Variants in AGAP1 observed in about 807,000 individuals in gnomAD.
AGAP1 encodes the protein arf-GAP with GTPase, ANK repeat and PH domain-containing protein 1.
AGAP1 carries 29 observed loss-of-function variants against 105.3 expected under a neutral mutation model. The ratio of observed to expected loss-of-function variants is 0.28; its 90% CI spans 0.21 to 0.38. The LOEUF (loss-of-function observed/expected upper bound fraction) is 0.38, where lower values mean the gene tolerates loss of function less well. AGAP1 is among the 10% of genes least tolerant of loss of function. AGAP1 has a pLI of 1.00. For synonymous variants in AGAP1, 509 were observed against 485.9 expected, an observed-to-expected ratio of 1.05 and a Z score of -0.63; for missense variants, 998 against 1,165.1, an observed-to-expected ratio of 0.86 and a Z score of 2.09.
chr2:235,726,955 G>A (rs533063824), intron 3 of AGAP1, among the ~76,000 whole-genome samples: 1 of 152,288 alleles, frequency 6.6e-6, no homozygotes, highest in African/African-American at 2.4e-5. Flanking sequence ...TGTTGGGTGG[G>A]CATCATGCCC....
rs989276104 is a variant in AGAP1, at chr2:235,866,041, G to A, written c.1051-17304G>A. 6.8e-4 allele frequency among the ~76,000 whole-genome samples: 104 copies of A among 152,270 alleles called. No homozygotes were observed. Among genetic ancestry groups the A allele is most frequent in the Admixed American group, 2.9e-3 (45 of 15,296 alleles). On this transcript the variant is annotated intron_variant, in intron 9 of 17. Coordinates refer to ENST00000304032, the MANE Select transcript of AGAP1 (RefSeq NM_001037131.3). This position sits in a 1 kb window ranked among gnomAD's most constrained non-coding sequence, Gnocchi z 6.1. The stretch of plus-strand genomic sequence containing the variant: ...GTGTATCTGCGGTCTGGTCATTTTT[G>A]CCACACTTGATTTTTTTCTGCTAAA...
rs960400359 is a variant in AGAP1 at position 236,014,604 on chromosome 2, C to T, written c.1646-21957C>T. On this transcript the variant is annotated intron_variant, in intron 13 of 17. Coordinates refer to ENST00000304032, the MANE Select transcript of AGAP1 (RefSeq NM_001037131.3). The surrounding 1 kb of genome is among the most constrained non-coding windows in gnomAD (Gnocchi z 6.3). The stretch of plus-strand genomic sequence containing the variant: ...ATGACCCTGCTCCACCTCTGCCCTT[C>T]CTGAGTTCCTCTGTTCACCGCAGGG... 6.6e-6 allele frequency among the ~76,000 whole-genome samples: 1 copy of T among 152,206 alleles called. No individual in the cohort carries two copies. Among genetic ancestry groups the T allele is most frequent in the Admixed American group, 6.5e-5 (1 of 15,288 alleles).
intron 13 of AGAP1, among the ~76,000 whole-genome samples, chr2:236,029,440 C>A (rs773065136): frequency 5.9e-4 from 57 of 96,826 alleles, no homozygotes; most frequent in Non-Finnish European, 7.0e-4. Flanking sequence ...CACACCCAGC[C>A]ATTTTTTTTT....
intron 13 of AGAP1, among the ~76,000 whole-genome samples, chr2:236,029,182 A>AGT (rs200642528): frequency 2.3e-5 from 3 of 132,812 alleles, no homozygotes; most frequent in African/African-American, 6.4e-5. Context: ...GTTTTTATTT[A>AGT]GTTTTTTTTT....
intron 1 of AGAP1, among the ~76,000 whole-genome samples, chr2:235,565,167 C>A (rs1048342723): frequency 2.1e-5 from 3 of 146,220 alleles, no homozygotes; most frequent in Non-Finnish European, 4.5e-5. Flanking sequence ...GCCTGGACCA[C>A]CACCCACGGC....
chr2:235,572,532 C>CT (rs1328637042), intron 1 of AGAP1, among the ~76,000 whole-genome samples: 3 of 152,174 alleles, frequency 2.0e-5, no homozygotes, highest in South Asian at 2.1e-4. Context: ...CCCACAGGTC[C>CT]TGCCACCCCT....
Position 235,887,960 on chromosome 2 carries a change from C to T in AGAP1, c.1155+4511C>T, listed in dbSNP as rs910203202. 2.6e-5 allele frequency among the ~76,000 whole-genome samples: 4 copies of T among 152,140 alleles called. No individual in the cohort carries two copies. Among genetic ancestry groups the T allele is most frequent in the African/African-American group, 7.2e-5 (3 of 41,430 alleles). ...CCGTGCGGCAGCCCATCACCGGCAG[C>T]GCTTGCTCGTGGTGGTGAGGCCTCT... On this transcript the variant is annotated intron_variant, in intron 10 of 17. Transcript: ENST00000304032. This position sits in a 1 kb window ranked among gnomAD's most constrained non-coding sequence, Gnocchi z 4.1.
Position 235,700,502 on chromosome 2 carries a change from CTG to C in AGAP1, c.164-8675_164-8674del, listed in dbSNP as rs1368291229. 2.6e-5 allele frequency among the ~76,000 whole-genome samples: 4 copies of C among 152,054 alleles called. No individual in the cohort carries two copies. Among genetic ancestry groups the C allele is most frequent in the Admixed American group, 2.0e-4 (3 of 15,242 alleles). Reference sequence around the variant, plus strand: ...GCACTCAGGAATGCTTTTGAAGAAACTGTAATGAAAATGAGGGCCGGGTGTGT... The same window carrying C: ...GCACTCAGGAATGCTTTTGAAGAAACTAATGAAAATGAGGGCCGGGTGTGT... On this transcript the variant is annotated intron_variant, in intron 1 of 17. Coordinates refer to ENST00000304032, the MANE Select transcript of AGAP1 (RefSeq NM_001037131.3). This position sits in a 1 kb window ranked among gnomAD's most constrained non-coding sequence, Gnocchi z 6.1.
At position 235,905,445 on chromosome 2, in the gene AGAP1, T is replaced by G. The variant is rs886275566; in HGVS notation, c.1156-3293T>G. 6.6e-6 allele frequency among the ~76,000 whole-genome samples: 1 copy of G among 152,198 alleles called. No individual in the cohort carries two copies. Among genetic ancestry groups the G allele is most frequent in the Non-Finnish European group, 1.5e-5 (1 of 68,026 alleles). On this transcript the variant is annotated intron_variant, in intron 10 of 17. Coordinates refer to ENST00000304032, the MANE Select transcript of AGAP1 (RefSeq NM_001037131.3). The surrounding 1 kb of genome is among the most constrained non-coding windows in gnomAD (Gnocchi z 4.2). ...AACTAAAGATGCTTGAGAAAAACCT[T>G]TTTTAGGAAGTGACCAACACTCACC...
Position 235,999,329 on chromosome 2 carries a change from GTGA to G in AGAP1, c.1645+30714_1645+30716del, listed in dbSNP as rs1300722877. ...GGTGATGGTGGTGGTGGTGGTGGTG[GTGA>G]TGATGATAGTGGTGATGGTGATGAT... is the stretch of plus-strand genomic sequence containing the variant. On this transcript the variant is annotated intron_variant, in intron 13 of 17. Transcript: ENST00000304032. Among the ~76,000 whole-genome samples the G allele has an allele frequency of 4.8e-4, 66 of 136,424 alleles. 2 individuals carry two copies. The highest frequency in any genetic ancestry group is 1.5e-3 in the South Asian group (6 of 4,034). 89.5% of individuals were successfully genotyped at this position (136,424 alleles called of 152,430 possible).
chr2:235,731,403 C>T (rs1398938543), intron 3 of AGAP1, among the ~76,000 whole-genome samples: 1 of 152,146 alleles, frequency 6.6e-6, no homozygotes, highest in Non-Finnish European at 1.5e-5. Context: ...TTCCTAGAGC[C>T]ATTTGAGAAG....
Position 235,598,772 on chromosome 2 carries a change from C to CACAGTGGGACGTCTT in AGAP1, c.163+103925_163+103939dup, listed in dbSNP as rs373852423. Reference sequence around the variant, plus strand: ...GTGGCCCAGGGCTGTGTGTTTGGTGCACAGTGGGACGTCTTAGTCCCACTA... The same window carrying CACAGTGGGACGTCTT: ...GTGGCCCAGGGCTGTGTGTTTGGTGCACAGTGGGACGTCTTACAGTGGGACGTCTTAGTCCCACTA... On this transcript the variant is annotated intron_variant, in intron 1 of 17. Coordinates refer to ENST00000304032, the MANE Select transcript of AGAP1 (RefSeq NM_001037131.3). 3.0e-3 allele frequency among the ~76,000 whole-genome samples: 462 copies of CACAGTGGGACGTCTT among 152,342 alleles called. 2 individuals are homozygous for CACAGTGGGACGTCTT. Among genetic ancestry groups the CACAGTGGGACGTCTT allele is most frequent in the African/African-American group, 0.01 (429 of 41,574 alleles).
chr2:235,785,587 T>C (rs1195854626), intron 6 of AGAP1, among the ~76,000 whole-genome samples: 1 of 152,180 alleles, frequency 6.6e-6, no homozygotes, highest in Non-Finnish European at 1.5e-5. Flanking sequence ...TTTAGCATAA[T>C]CTATTTTTCT....
chr2:236,086,191 G>A (rs574555159), intron 16 of AGAP1, among the ~76,000 whole-genome samples: 1 of 152,176 alleles, frequency 6.6e-6, no homozygotes, highest in East Asian at 1.9e-4. Context: ...GATTAAATTA[G>A]CCTAATAGAT....
rs1944982987 is a variant in AGAP1 at position 235,582,973 on chromosome 2, C to T, written c.163+88124C>T. Among the ~76,000 whole-genome samples, 1 of 152,218 alleles carries T rather than the reference C, an allele frequency of 6.6e-6. No individual in the cohort carries two copies. The highest frequency in any genetic ancestry group is 2.1e-4 in the South Asian group (1 of 4,832). On this transcript the variant is annotated intron_variant, in intron 1 of 17. Transcript: ENST00000304032. The surrounding 1 kb of genome is among the most constrained non-coding windows in gnomAD (Gnocchi z 4.7). ...TATGTTGTTGGGATTTGGCTCGGAA[C>T]CTGCCAAGGACCCCTGTGTGTTAAA...
At position 235,609,112 on chromosome 2, in the gene AGAP1, G is replaced by T. The variant is rs187300042; in HGVS notation, c.164-100067G>T. Among the ~76,000 whole-genome samples, 325 of 152,304 alleles carry T rather than the reference G, an allele frequency of 2.1e-3. No homozygotes were observed. The highest frequency in any genetic ancestry group is 3.4e-3 in the Admixed American group (52 of 15,300). ...AGGATGCTTATCACAGGGGGCTGAT[G>T]AATTTGTTTCCTTCTTGCCTTATTT... On this transcript the variant is annotated intron_variant, in intron 1 of 17. Transcript: ENST00000304032. The surrounding 1 kb of genome is among the most constrained non-coding windows in gnomAD (Gnocchi z 5.1).
chr2:236,119,241 TC>T lies in AGAP1; in HGVS notation c.2115-949del, dbSNP rs560459426. ...CCACCCCCTCCCCAGCTTTGTCCTC[TC>T]CTCTGCCTCTGGGCTCAGCTCTGGC... On this transcript the variant is annotated intron_variant, in intron 16 of 17. Transcript: ENST00000304032. This position sits in a 1 kb window ranked among gnomAD's most constrained non-coding sequence, Gnocchi z 6.6. Among the ~76,000 whole-genome samples, 152 of 152,168 alleles carry T rather than the reference TC, an allele frequency of 1.0e-3. No individual in the cohort carries two copies. Among genetic ancestry groups the T allele is most frequent in the African/African-American group, 3.5e-3 (144 of 41,526 alleles).
Position 235,741,194 on chromosome 2 carries a change from C to G in AGAP1, c.396+146C>G. 1.7e-6 allele frequency: 1 copy of G among 602,088 alleles called. No individual in the cohort carries two copies. Among genetic ancestry groups the G allele is most frequent in the Non-Finnish European group, 2.7e-6 (1 of 366,048 alleles). The allele number at this position is 602,088 out of a possible 1,614,324, so 37.3% of individuals were successfully genotyped here. The stretch of plus-strand genomic sequence containing the variant: ...ATGTTTCCTCTCACTGCATTTTTTT[C>G]TCATCTCTAAGAAGCTAATTCTTTT... On this transcript the variant is annotated intron_variant, in intron 4 of 17. Transcript: ENST00000304032. This position sits in a 1 kb window ranked among gnomAD's most constrained non-coding sequence, Gnocchi z 4.9.
intron 9 of AGAP1, among the ~76,000 whole-genome samples, chr2:235,876,863 T>C (rs2049768452): frequency 6.6e-6 from 1 of 151,444 alleles, no homozygotes; most frequent in African/African-American, 2.4e-5. Flanking sequence ...TTTTTTTTTT[T>C]TGAGACAGAG....
Sources: gnomAD v4.1 joint callset for allele counts (sites outside exome capture counted in the v4.1 genomes callset) on GRCh38, gnomAD v4.1.1 for gene constraint, Gnocchi (gnomAD v3.1) non-coding constraint, MANE v1.5 for transcripts, NCBI Gene and HGNC (gene_info 2026-07-23, HGNC 2026-07-21) for gene names.